Variants in SGCD observed in about 807,000 individuals in gnomAD.
SGCD encodes the protein sarcoglycan delta.
In SGCD, 18 loss-of-function variants were observed where a neutral mutation model predicts 36.6. That is an observed-to-expected ratio of 0.49 (90% CI 0.34 to 0.73). The LOEUF (loss-of-function observed/expected upper bound fraction) is 0.73, where lower values mean the gene tolerates loss of function less well. Ranked by LOEUF, SGCD falls within the 30% of genes least tolerant of loss-of-function variation. The pLI is 0.01. For synonymous variants in SGCD, 133 were observed against 130.6 expected (o/e 1.02, Z -0.12); for missense variants, 387 against 346.7 (o/e 1.12, Z -0.92).
intron 7 of SGCD, among the ~76,000 whole-genome samples, chr5:156,690,276 C>G (rs1239326112): frequency 6.6e-6 from 1 of 152,210 alleles, no homozygotes; most frequent in Non-Finnish European, 1.5e-5. Flanking sequence ...AGGCAGCCTA[C>G]TGAGCCCATG....
intron 3 of SGCD, among the ~76,000 whole-genome samples, chr5:156,251,578 C>A (rs906926479): frequency 6.6e-6 from 1 of 151,688 alleles, no homozygotes; most frequent in Non-Finnish European, 1.5e-5. Flanking sequence ...GCAGTGGTGC[C>A]ATCTCGGCTC....
intron 4 of SGCD, among the ~76,000 whole-genome samples, chr5:156,573,776 C>T (rs979941674): frequency 6.6e-6 from 1 of 152,170 alleles, no homozygotes; most frequent in African/African-American, 2.4e-5. Context: ...TCACTGTAAC[C>T]TCAAACTCCT....
chr5:156,063,632 C>T (rs1760290337), intron 1 of SGCD, among the ~76,000 whole-genome samples: 1 of 30,146 alleles, frequency 3.3e-5, no homozygotes, highest in African/African-American at 2.2e-4. Context: ...TGTAGTTCTC[C>T]TTGAAGAGGT....
At chr5:156,555,984 T>C (rs1183507427) in intron 4 of SGCD, among the ~76,000 whole-genome samples, 1 of 152,122 alleles carries the variant, frequency 6.6e-6, no homozygotes, top group African/African-American at 2.4e-5. Flanking sequence ...TACATAATTT[T>C]CCTTCCAAAG....
At chr5:156,534,176 C>CT (rs34930090) in intron 4 of SGCD, among the ~76,000 whole-genome samples, 20,058 of 145,354 alleles carry the variant, frequency 0.14, 1,486 homozygotes, top group East Asian at 0.19. Context: ...GGACATCATT[C>CT]TTTTTTTTTT....
At chr5:156,269,337 G>T (rs1163417224) in intron 3 of SGCD, among the ~76,000 whole-genome samples, 1 of 151,730 alleles carries the variant, frequency 6.6e-6, no homozygotes, top group Non-Finnish European at 1.5e-5. Context: ...GGGCATGTTG[G>T]CGGGTGCCTG....
chr5:156,319,104 A>G (rs776472478), intron 3 of SGCD, among the ~76,000 whole-genome samples: 7 of 152,116 alleles, frequency 4.6e-5, no homozygotes, highest in African/African-American at 7.2e-5. Context: ...ATTTCTTTGT[A>G]TCTATTACAT....
chr5:156,002,691 G>A (rs1275006062), intron 1 of SGCD, among the ~76,000 whole-genome samples: 1 of 152,200 alleles, frequency 6.6e-6, no homozygotes, highest in South Asian at 2.1e-4. Flanking sequence ...ATCACTCAGA[G>A]TGCTGCTTCA....
chr5:156,384,174 C>G (rs998085948), intron 3 of SGCD, among the ~76,000 whole-genome samples: 1 of 152,188 alleles, frequency 6.6e-6, no homozygotes, highest in Non-Finnish European at 1.5e-5. Flanking sequence ...CTGGATACTT[C>G]GCATTGCTGG....
chr5:155,997,297 C>T (rs370261352), intron 1 of SGCD, among the ~76,000 whole-genome samples: 86 of 152,232 alleles, frequency 5.6e-4, no homozygotes, highest in African/African-American at 2.0e-3. Flanking sequence ...CTTAAGAGTC[C>T]TTGTTCTTTT....
At chr5:155,999,345 G>T (rs889701593) in intron 1 of SGCD, among the ~76,000 whole-genome samples, 1 of 152,134 alleles carries the variant, frequency 6.6e-6, no homozygotes, top group Non-Finnish European at 1.5e-5. Flanking sequence ...GGATGGGTTT[G>T]GTGTCCACTC....
chr5:156,295,517 C>T (rs998543560), intron 3 of SGCD, among the ~76,000 whole-genome samples: 1 of 152,004 alleles, frequency 6.6e-6, no homozygotes, highest in Non-Finnish European at 1.5e-5. Flanking sequence ...CCTTTATTCT[C>T]TTTCTAGTTT....
chr5:156,515,027 A>T (rs751911519), intron 4 of SGCD, among the ~76,000 whole-genome samples: 35 of 152,206 alleles, frequency 2.3e-4, no homozygotes, highest in Non-Finnish European at 1.2e-4. Flanking sequence ...CCTCTGAATC[A>T]AATGGTCTTG....
chr5:156,382,921 T>A (rs1472523536), intron 3 of SGCD, among the ~76,000 whole-genome samples: 2 of 152,228 alleles, frequency 1.3e-5, no homozygotes, highest in Non-Finnish European at 2.9e-5. Context: ...ACTAAGGTAC[T>A]CCATTCATGG....
intron 3 of SGCD, among the ~76,000 whole-genome samples, chr5:156,136,225 G>A (rs549874944): frequency 6.6e-5 from 10 of 152,154 alleles, no homozygotes; most frequent in African/African-American, 1.4e-4. Context: ...TGATTCTCTC[G>A]CCTCAGCTTC....
At chr5:155,776,418 A>G in the SGCD span, among the ~76,000 whole-genome samples, 1 of 152,186 alleles carries the variant, frequency 6.6e-6, no homozygotes, top group Non-Finnish European at 1.5e-5. Context: ...TGGGAAATAA[A>G]TGAGACAATG....
intron 3 of SGCD, among the ~76,000 whole-genome samples, chr5:156,263,038 G>C (rs1765907086): frequency 1.3e-5 from 2 of 151,922 alleles, no homozygotes. Flanking sequence ...TTGCAATTGT[G>C]AATTGCACTG....
At chr5:156,272,844 A>G (rs976303128) in intron 3 of SGCD, among the ~76,000 whole-genome samples, 1 of 152,180 alleles carries the variant, frequency 6.6e-6, no homozygotes, top group Non-Finnish European at 1.5e-5. Flanking sequence ...TTGTTTGAAA[A>G]AAACACATCG....
intron 3 of SGCD, among the ~76,000 whole-genome samples, chr5:156,506,570 G>A (rs147743043): frequency 6.6e-6 from 1 of 152,230 alleles, no homozygotes; most frequent in African/African-American, 2.4e-5. Flanking sequence ...TCATAGAGAA[G>A]CAAAAGGGCC....
Sources: allele counts gnomAD v4.1 joint callset (sites outside exome capture counted in the v4.1 genomes callset), GRCh38; gene constraint gnomAD v4.1.1; transcripts MANE v1.5; gene names NCBI Gene and HGNC (gene_info 2026-07-23, HGNC 2026-07-21).